Variants in SLC16A7 observed in about 807,000 individuals in gnomAD.
The protein encoded by SLC16A7 is monocarboxylate transporter 2.
In SLC16A7, 33 loss-of-function variants were observed where a neutral mutation model predicts 34.9. That is an observed-to-expected ratio of 0.94 (90% CI 0.72 to 1.26). SLC16A7 has a LOEUF of 1.26. SLC16A7 is among the 50% of genes most tolerant of loss of function. SLC16A7 has a pLI of 0.00. For missense variants in SLC16A7, 573 were observed against 578.1 expected (o/e 0.99, Z 0.09); for synonymous variants, 201 against 206.6 (o/e 0.97, Z 0.23).
At chr12:59,655,549 CAAT>C (rs537629045) in intron 2 of SLC16A7, among the ~76,000 whole-genome samples, 163 of 151,634 alleles carry the variant, frequency 1.1e-3, no homozygotes, top group African/African-American at 3.2e-3. Flanking sequence ...GATAAAGTTT[CAAT>C]AATAATAATA....
intron 1 of SLC16A7, among the ~76,000 whole-genome samples, chr12:59,641,374 C>T (rs1880678795): frequency 6.6e-6 from 1 of 152,038 alleles, no homozygotes; most frequent in South Asian, 2.1e-4. Context: ...ACATGGTATG[C>T]ATTCATTTAT....
At chr12:59,668,295 C>G (rs1869377940) in intron 2 of SLC16A7, among the ~76,000 whole-genome samples, 2 of 152,286 alleles carry the variant, frequency 1.3e-5, no homozygotes, top group East Asian at 1.9e-4. Flanking sequence ...GCACTCAACT[C>G]CAGCCTGTGA....
In SLC16A7 at chr12:59,775,154, T is replaced by C; in HGVS notation, c.859T>C (p.Ser287Pro). ...TGAGTACTCGGCAGCTTTTCTGCTA[T>C]CTGTTATGGCTTTCGTTGATATGTT... is the stretch of plus-strand genomic sequence containing the variant. Reference protein sequence around the residue: ...IDEYSAAFLLSVMAFVDMFAR... With the variant: ...IDEYSAAFLLPVMAFVDMFAR... Residue 287 changes from serine (S) to proline (P), a missense_variant, in exon 5 of 6, where the codon TCT becomes CCT. Coordinates refer to ENST00000547379, the MANE Select transcript of SLC16A7 (RefSeq NM_001270623.2). 1 of 1,614,134 alleles carries C rather than the reference T, an allele frequency of 6.2e-7. No homozygotes were observed. The highest frequency in any genetic ancestry group is 8.5e-7 in the Non-Finnish European group (1 of 1,180,012).
At chr12:59,724,384 A>G (rs1875985523) in intron 3 of SLC16A7, among the ~76,000 whole-genome samples, 2 of 152,086 alleles carry the variant, frequency 1.3e-5, no homozygotes, top group South Asian at 4.1e-4. Flanking sequence ...AAAGAAGAAA[A>G]TAAATTAGTC....
At chr12:59,700,876 A>C (rs946844456) in intron 2 of SLC16A7, among the ~76,000 whole-genome samples, 27 of 151,704 alleles carry the variant, frequency 1.8e-4, no homozygotes, top group Non-Finnish European at 5.9e-5. Context: ...CTTATTGAAC[A>C]CTTAACTATG....
rs200407564 is a variant in SLC16A7, at chr12:59,772,452, CTT to C, written c.361+1091_361+1092del. ...AGGGAAAAGATGATTTTGTTATTTC[CTT>C]CACTACAGATATCAATGGCATTATT... On this transcript the variant is annotated intron_variant, in intron 4 of 5. Coordinates refer to ENST00000547379, the MANE Select transcript of SLC16A7 (RefSeq NM_001270623.2). 5.2e-3 allele frequency among the ~76,000 whole-genome samples: 793 copies of C among 152,226 alleles called. 8 individuals are homozygous for C. Among genetic ancestry groups the C allele is most frequent in the African/African-American group, 0.015 (617 of 41,560 alleles).
intron 5 of SLC16A7, among the ~76,000 whole-genome samples, chr12:59,777,873 A>G (rs922995956): frequency 1.1e-3 from 147 of 139,170 alleles, no homozygotes; most frequent in African/African-American, 3.8e-3. Flanking sequence ...TCATTGTTCA[A>G]TTCCCACCTA....
chr12:59,671,923 ATATATC>A (rs377550497), intron 2 of SLC16A7, among the ~76,000 whole-genome samples: 1,217 of 54,588 alleles, frequency 0.022, 210 homozygotes, highest in East Asian at 0.057. Flanking sequence ...GTATATATGT[ATATATC>A]CATATATGTA....
At position 59,775,309 on chromosome 12, in the gene SLC16A7, A is replaced by C; in HGVS notation, c.1014A>C (p.Thr338=). The C allele has an allele frequency of 1.9e-6, 3 of 1,614,182 alleles. No individual in the cohort carries two copies. Among genetic ancestry groups the C allele is most frequent in the Non-Finnish European group, 1.7e-6 (2 of 1,180,016 alleles). The stretch of plus-strand genomic sequence containing the variant: ...TGTGCCCACTGGCACAGGACTACAC[A>C]AGCCTGGTATTATATGCTGTATTTT... ...HLLCPLAQDY[T]SLVLYAVFFG... Residue 338 remains threonine (T), a synonymous_variant, in exon 5 of 6, where the codon ACA becomes ACC. Coordinates refer to ENST00000547379, the MANE Select transcript of SLC16A7 (RefSeq NM_001270623.2).
rs571428010 is a variant in SLC16A7, at chr12:59,644,936, T to C, written c.-129-10216T>C. The stretch of plus-strand genomic sequence containing the variant: ...AGTAAGTAAAAATGTATGTGAAAGA[T>C]AGAAGTTAAGCATGAAATCCAATAT... On this transcript the variant is annotated intron_variant, in intron 1 of 5. Coordinates refer to ENST00000547379, the MANE Select transcript of SLC16A7 (RefSeq NM_001270623.2). Among the ~76,000 whole-genome samples, 219 of 152,334 alleles carry C rather than the reference T, an allele frequency of 1.4e-3. 2 individuals carry two copies. The highest frequency in any genetic ancestry group is 3.4e-3 in the Middle Eastern group (1 of 294).
In SLC16A7 at chr12:59,780,891, A is replaced by T. The variant is rs1277114240; in HGVS notation, c.*1212A>T. ...CTACAAACAGGCCTTGTGCTCAACC[A>T]CTGGAAATGCCTCCTGGGATAAGAA... On this transcript the variant is annotated 3_prime_UTR_variant, in exon 6 of 6. Coordinates refer to ENST00000547379, the MANE Select transcript of SLC16A7 (RefSeq NM_001270623.2). 1 of 152,176 alleles carries T rather than the reference A, an allele frequency of 6.6e-6. No homozygotes were observed. The highest frequency in any genetic ancestry group is 2.4e-5 in the African/African-American group (1 of 41,432). 9.4% of individuals were successfully genotyped at this position (152,176 alleles called of 1,614,324 possible).
At chr12:59,753,133 A>G (rs939124257) in intron 3 of SLC16A7, among the ~76,000 whole-genome samples, 3 of 152,232 alleles carry the variant, frequency 2.0e-5, no homozygotes, top group African/African-American at 7.2e-5. Context: ...AACAACCAGT[A>G]CCAGCCACTG....
intron 3 of SLC16A7, among the ~76,000 whole-genome samples, chr12:59,767,666 A>G (rs1457807008): frequency 2.0e-5 from 3 of 152,128 alleles, no homozygotes; most frequent in Non-Finnish European, 4.4e-5. Context: ...GCTAAGAAAA[A>G]AAGTTCCTTT....
chr12:59,621,670 A>AT (rs950026494), intron 1 of SLC16A7, among the ~76,000 whole-genome samples: 2 of 151,836 alleles, frequency 1.3e-5, no homozygotes, highest in African/African-American at 4.8e-5. Context: ...TACAAACATT[A>AT]TTTTTTAACA....
At chr12:59,690,792 A>G (rs1871556861) in intron 2 of SLC16A7, among the ~76,000 whole-genome samples, 1 of 151,974 alleles carries the variant, frequency 6.6e-6, no homozygotes, top group South Asian at 2.1e-4. Context: ...ATCAGCTCAA[A>G]GTAATCCTTA....
chr12:59,713,115 G>A (rs1216251796), intron 3 of SLC16A7, among the ~76,000 whole-genome samples: 1 of 151,998 alleles, frequency 6.6e-6, no homozygotes, highest in Non-Finnish European at 1.5e-5. Context: ...TGCCTCCAGA[G>A]TTCAAGTAAT....
At chr12:59,681,509 T>C (rs1870747916) in intron 2 of SLC16A7, among the ~76,000 whole-genome samples, 1 of 152,152 alleles carries the variant, frequency 6.6e-6, no homozygotes, top group African/African-American at 2.4e-5. Context: ...ATAGAACTGC[T>C]TCAAAAAATT....
rs377395079 is a variant in SLC16A7, at chr12:59,786,386, A to G, written c.*6707A>G. Reference sequence around the variant, plus strand: ...ATGTTTTGAGTTAGACTCAGTTTATATAGCTTCCTCGTTAGAGTACACATT... The same window carrying G: ...ATGTTTTGAGTTAGACTCAGTTTATGTAGCTTCCTCGTTAGAGTACACATT... On this transcript the variant is annotated 3_prime_UTR_variant, in exon 6 of 6. Coordinates refer to ENST00000547379, the MANE Select transcript of SLC16A7 (RefSeq NM_001270623.2). The G allele has an allele frequency of 6.6e-6, 1 of 152,024 alleles. No individual in the cohort carries two copies. Among genetic ancestry groups the G allele is most frequent in the East Asian group, 1.9e-4 (1 of 5,190 alleles). The allele number at this position is 152,024 out of a possible 1,614,324, so 9.4% of individuals were successfully genotyped here. A position where few individuals can be genotyped will look rare whatever the true frequency, so the allele number is the denominator to read the frequency against.
rs1883155093 is a variant in SLC16A7 at position 59,780,352 on chromosome 12, C to G, written c.*673C>G. ...ATCCTTATTCAAAAATAACATCTGACTACTATAAAAATATTTGCATATATA... is the reference window on the plus strand; with the variant it reads ...ATCCTTATTCAAAAATAACATCTGAGTACTATAAAAATATTTGCATATATA... On this transcript the variant is annotated 3_prime_UTR_variant, in exon 6 of 6. Transcript: ENST00000547379. 1 of 151,970 alleles carries G rather than the reference C, an allele frequency of 6.6e-6. No individual in the cohort carries two copies. Among genetic ancestry groups the G allele is most frequent in the South Asian group, 2.1e-4 (1 of 4,816 alleles). 9.4% of individuals were successfully genotyped at this position (151,970 alleles called of 1,614,324 possible).
Sources: allele counts gnomAD v4.1 joint callset (sites outside exome capture counted in the v4.1 genomes callset), GRCh38; gene constraint gnomAD v4.1.1; transcripts MANE v1.5; gene names NCBI Gene and HGNC (gene_info 2026-07-23, HGNC 2026-07-21).